NRG3: variants seen among roughly 807,000 people sequenced by gnomAD.
NRG3 encodes pro-neuregulin-3, membrane-bound isoform.
NRG3 carries 31 observed loss-of-function variants against 66.9 expected under a neutral mutation model. That is an observed-to-expected ratio of 0.46 (90% CI 0.35 to 0.63). The LOEUF is 0.63. Ranked by LOEUF, NRG3 falls within the 20% of genes least tolerant of loss-of-function variation. The probability of loss-of-function intolerance (pLI) is 0.00; values close to 1 mark genes in which losing one functional copy is unlikely to be tolerated. For synonymous variants in NRG3, 393 were observed against 359.4 expected (o/e 1.09, Z -1.06); for missense variants, 910 against 878.9 (o/e 1.04, Z -0.45).
intron 1 of NRG3, among the ~76,000 whole-genome samples, chr10:82,084,337 G>C (rs2133443068): frequency 6.6e-6 from 1 of 151,636 alleles, no homozygotes; most frequent in South Asian, 2.1e-4. Context: ...ATTCATTAGA[G>C]TCCTAAAATT....
intron 1 of NRG3, among the ~76,000 whole-genome samples, chr10:82,073,768 C>A (rs149097465): frequency 1.3e-5 from 2 of 152,230 alleles, no homozygotes; most frequent in African/African-American, 2.4e-5. Context: ...AATGTAATTT[C>A]TTTACGATAG....
chr10:82,285,208 A>G (rs1436316811), intron 1 of NRG3, among the ~76,000 whole-genome samples: 1 of 152,194 alleles, frequency 6.6e-6, no homozygotes, highest in East Asian at 1.9e-4. Flanking sequence ...CTAATTTTGG[A>G]GGAAGACAGA....
At chr10:82,256,172 T>C (rs2077716212) in intron 1 of NRG3, among the ~76,000 whole-genome samples, 1 of 152,186 alleles carries the variant, frequency 6.6e-6, no homozygotes, top group African/African-American at 2.4e-5. Flanking sequence ...TCCACCTGCC[T>C]CGGCCTCCTA....
chr10:81,939,207 C>T (rs1848180638), intron 1 of NRG3, among the ~76,000 whole-genome samples: 1 of 151,868 alleles, frequency 6.6e-6, no homozygotes, highest in Non-Finnish European at 1.5e-5. Context: ...CAATATTTAT[C>T]ATAGATATTG....
At chr10:82,250,161 GGAGTTGAAACAAGTATTCACT>G (rs2077417584) in intron 1 of NRG3, among the ~76,000 whole-genome samples, 1 of 152,112 alleles carries the variant, frequency 6.6e-6, no homozygotes, top group African/African-American at 2.4e-5. Flanking sequence ...TAAAATTTCA[GGAGTTGAAACAAGTATTCACT>G]GAAGACAGGA....
chr10:81,975,327 A>G lies in NRG3; in HGVS notation c.823+99164A>G, dbSNP rs867276045. Among the ~76,000 whole-genome samples the G allele has an allele frequency of 5.9e-3, 585 of 99,640 alleles. 3 individuals carry two copies. The highest frequency in any genetic ancestry group is 0.024 in the African/African-American group (556 of 23,242). The allele number at this position is 99,640 out of a possible 152,430, so 65.4% of individuals were successfully genotyped here. On this transcript the variant is annotated intron_variant, in intron 1 of 8. Transcript: ENST00000372141. ...ACAATTGTGTAACATCTATCTATCTATCTATCTATCTATCTATCTATCTAT... is the reference window on the plus strand; with the variant it reads ...ACAATTGTGTAACATCTATCTATCTGTCTATCTATCTATCTATCTATCTAT...
At chr10:82,841,451 C>T (rs1344850046) in intron 3 of NRG3, among the ~76,000 whole-genome samples, 1 of 152,088 alleles carries the variant, frequency 6.6e-6, no homozygotes, top group African/African-American at 2.4e-5. Context: ...ACTATAATCA[C>T]ATTATATAAT....
intron 1 of NRG3, among the ~76,000 whole-genome samples, chr10:81,955,177 A>G (rs1454352949): frequency 4.7e-5 from 7 of 148,058 alleles, no homozygotes; most frequent in East Asian, 1.9e-4. Context: ...ATAATACTAT[A>G]TATATTATAT....
intron 2 of NRG3, among the ~76,000 whole-genome samples, chr10:82,659,647 G>A (rs947003884): frequency 5.9e-5 from 9 of 151,828 alleles, no homozygotes; most frequent in Non-Finnish European, 7.4e-5. Context: ...GCGAGACTCC[G>A]TCTCCAGCAA....
intron 1 of NRG3, among the ~76,000 whole-genome samples, chr10:82,303,694 C>G (rs1176482129): frequency 6.6e-6 from 1 of 151,892 alleles, no homozygotes; most frequent in Non-Finnish European, 1.5e-5. Flanking sequence ...ATGGTGAAAC[C>G]CTGTCTGTAC....
At chr10:82,547,005 G>A (rs1212218586) in intron 2 of NRG3, among the ~76,000 whole-genome samples, 1 of 151,912 alleles carries the variant, frequency 6.6e-6, no homozygotes, top group Admixed American at 6.6e-5. Context: ...GATAGAGTTG[G>A]CACCGCAAAA....
intron 2 of NRG3, among the ~76,000 whole-genome samples, chr10:82,615,854 A>C (rs2048611944): frequency 6.6e-6 from 1 of 152,168 alleles, no homozygotes; most frequent in South Asian, 2.1e-4. Flanking sequence ...TAAAACAGAC[A>C]AGCACACGAT....
At chr10:82,959,754 C>G (rs777001042) in intron 6 of NRG3, among the ~76,000 whole-genome samples, 4 of 152,128 alleles carry the variant, frequency 2.6e-5, no homozygotes, top group Non-Finnish European at 5.9e-5. Flanking sequence ...CATAATCAAT[C>G]CTTCTAATTC....
chr10:82,738,463 A>G, intron 2 of NRG3, 114 bp from the exon 3 acceptor site: 2 of 814,886 alleles, frequency 2.5e-6, no homozygotes, highest in South Asian at 2.9e-5. Context: ...AAAAAATATG[A>G]AAGCATGAAT....
At chr10:82,373,752 ACAAT>A (rs1046116388) in intron 2 of NRG3, among the ~76,000 whole-genome samples, 2 of 152,190 alleles carry the variant, frequency 1.3e-5, no homozygotes, top group African/African-American at 2.4e-5. Context: ...ATTTATAGTC[ACAAT>A]CAAAATCACA....
intron 3 of NRG3, among the ~76,000 whole-genome samples, chr10:82,855,637 A>G (rs938512438): frequency 6.6e-6 from 1 of 152,038 alleles, no homozygotes; most frequent in African/African-American, 2.4e-5. Context: ...AGCTCAAGTG[A>G]TTCGCCTGCC....
intron 2 of NRG3, among the ~76,000 whole-genome samples, chr10:82,437,260 G>A (rs1047539132): frequency 6.7e-6 from 1 of 150,182 alleles, no homozygotes; most frequent in Non-Finnish European, 1.5e-5. Context: ...CTCTATTCTT[G>A]TCTGCATGTC....
At chr10:82,474,209 G>A (rs1467219685) in intron 2 of NRG3, among the ~76,000 whole-genome samples, 1 of 151,782 alleles carries the variant, frequency 6.6e-6, no homozygotes, top group African/African-American at 2.4e-5. Flanking sequence ...GATATACAAA[G>A]AAATATGAAT....
chr10:82,231,955 T>C (rs2076496495), intron 1 of NRG3, among the ~76,000 whole-genome samples: 1 of 152,244 alleles, frequency 6.6e-6, no homozygotes. Flanking sequence ...TCTTTCAAGT[T>C]TTTGGCTACT....
Sources: allele counts gnomAD v4.1 joint callset (sites outside exome capture counted in the v4.1 genomes callset), GRCh38; gene constraint gnomAD v4.1.1; transcripts MANE v1.5; gene names NCBI Gene and HGNC (gene_info 2026-07-23, HGNC 2026-07-21).